The following IFIH1 variants were observed in gnomAD, a reference collection of about 807,000 sequenced individuals.
IFIH1 encodes interferon induced with helicase C domain 1.
Under a neutral mutation model 107.4 loss-of-function variants are expected in IFIH1, and 125 were observed. The ratio of observed to expected loss-of-function variants is 1.16; its 90% CI spans 1.01 to 1.35. The LOEUF is 1.35. Ranked by LOEUF, IFIH1 falls within the 40% of genes most tolerant of loss-of-function variation. The pLI, the probability that IFIH1 is intolerant of heterozygous loss-of-function variation, is 0.00. For synonymous variants in IFIH1, 458 were observed against 413.2 expected, an observed-to-expected ratio of 1.11 and a Z score of -1.31; for missense variants, 1,333 against 1,213.7, an observed-to-expected ratio of 1.10 and a Z score of -1.46.
chr2:162,273,266 CAG>C (rs1384850080), intron 12 of IFIH1, among the ~76,000 whole-genome samples: 1 of 152,132 alleles, frequency 6.6e-6, no homozygotes, highest in African/African-American at 2.4e-5. Context: ...TGAATGAAAA[CAG>C]AACATTTCAC....
intron 5 of IFIH1, among the ~76,000 whole-genome samples, chr2:162,283,877 C>A (rs935140981): frequency 1.3e-5 from 2 of 151,684 alleles, no homozygotes; most frequent in African/African-American, 4.8e-5. Context: ...TCTAAGGAAG[C>A]AAAGTGGACT....
Position 162,306,764 on chromosome 2 carries a change from C to A in IFIH1, c.714G>T (p.Trp238Cys), listed in dbSNP as rs1683288104. 6.2e-7 allele frequency: 1 copy of A among 1,613,874 alleles called. No individual in the cohort carries two copies. Among genetic ancestry groups the A allele is most frequent in the African/African-American group, 1.3e-5 (1 of 75,016 alleles). Residue 238 changes from tryptophan to cysteine, a missense_variant, in exon 3 of 16, where the codon TGG (tryptophan) becomes TGT (cysteine). Transcript: ENST00000649979. ...ATTCTGATGAGTTATTCTCCATGCCCCAGACCTCCTTCTCCAGATTTGGCT... is the reference window on the plus strand; with the variant it reads ...ATTCTGATGAGTTATTCTCCATGCCACAGACCTCCTTCTCCAGATTTGGCT... ...TVQPNLEKEV[W>C]GMENNSSESS... is the part of the protein sequence containing the mutation.
intron 4 of IFIH1, among the ~76,000 whole-genome samples, chr2:162,291,686 A>G (rs898778644): frequency 2.0e-5 from 3 of 151,844 alleles, no homozygotes; most frequent in South Asian, 2.1e-4. Context: ...TTTGATGTCA[A>G]CTTCAAAGAT....
chr2:162,277,758 G>C, intron 9 of IFIH1, 65 bp from the exon 10 acceptor site: 1 of 1,515,578 alleles, frequency 6.6e-7, no homozygotes, highest in Non-Finnish European at 8.8e-7. Flanking sequence ...TTGTGCCATG[G>C]ACTTGAATAT....
Position 162,281,528 on chromosome 2 carries a change from T to C in IFIH1, c.1324A>G (p.Ile442Val), listed in dbSNP as rs35329951. ...TTGTTGGTGTGATGACATTCATCAA[T>C]GATAATGAGGGAAAAGTCTTAAAAG... Reference protein sequence around the residue: ...VQLSDFSLIIIDECHHTNKEA... With the variant: ...VQLSDFSLIIVDECHHTNKEA... Residue 442 changes from isoleucine to valine, a missense_variant, in exon 7 of 16, where the codon ATT becomes GTT. Ile to Val is a conservative substitution (Grantham distance 29, BLOSUM62 3). Transcript: ENST00000649979. 1.2e-6 allele frequency: 2 copies of C among 1,609,330 alleles called. No homozygotes were observed. The highest frequency in any genetic ancestry group is 1.7e-6 in the Non-Finnish European group (2 of 1,176,660).
chr2:162,278,177 CTAAG>C, intron 9 of IFIH1, 24 bp downstream of exon 9: 1 of 1,583,102 alleles, frequency 6.3e-7, no homozygotes. Context: ...ATGGGATAAA[CTAAG>C]TGTTAGGTCC....
At position 162,281,366 on chromosome 2, in the gene IFIH1, C is replaced by T. The variant is rs763096939; in HGVS notation, c.1486G>A (p.Ala496Thr). The T allele has an allele frequency of 5.0e-6, 8 of 1,612,582 alleles. No homozygotes were observed. The highest frequency in any genetic ancestry group is 6.8e-6 in the Non-Finnish European group (8 of 1,179,056). Residue 496 changes from alanine to threonine, a missense_variant, in exon 7 of 16, where the codon GCC (alanine) becomes ACC (threonine). Transcript: ENST00000649979. Reference protein sequence around the residue: ...GLTASPGVGGATKQAKAEEHI... With the variant: ...GLTASPGVGGTTKQAKAEEHI... ...TCTTCAGCTTTGGCTTGCTTCGTGG[C>T]CCCTCCAACACCAGGTGAAGCTGTT...
intron 5 of IFIH1, among the ~76,000 whole-genome samples, chr2:162,283,687 G>T (rs1404161244): frequency 1.3e-5 from 2 of 151,976 alleles, no homozygotes; most frequent in Non-Finnish European, 2.9e-5. Context: ...TTTACTTGAG[G>T]TAAGTCCCAC....
At position 162,318,371 on chromosome 2, in the gene IFIH1, G is replaced by T. The variant is rs1683557787; in HGVS notation, c.-64C>A. On this transcript the variant is annotated 5_prime_UTR_variant, in exon 1 of 16. Coordinates refer to ENST00000649979, the MANE Select transcript of IFIH1 (RefSeq NM_022168.4). ...GATGGTGCTGTTGTCTGCGGGACAG[G>T]TGAAATGTGCGTGCCGCTGTCCGCT... 2 of 1,353,058 alleles carry T rather than the reference G, an allele frequency of 1.5e-6. No individual in the cohort carries two copies. Among genetic ancestry groups the T allele is most frequent in the South Asian group, 1.3e-5 (1 of 78,762 alleles). 83.8% of individuals were successfully genotyped at this position (1,353,058 alleles called of 1,614,324 possible).
chr2:162,291,836 T>G (rs1473277134), intron 4 of IFIH1, among the ~76,000 whole-genome samples: 1 of 151,896 alleles, frequency 6.6e-6, no homozygotes, highest in Admixed American at 6.6e-5. Flanking sequence ...AATTTCATAA[T>G]TTTACCATTT....
intron 3 of IFIH1, among the ~76,000 whole-genome samples, chr2:162,301,481 T>G (rs1315651566): frequency 1.3e-5 from 2 of 152,198 alleles, no homozygotes; most frequent in Non-Finnish European, 2.9e-5. Flanking sequence ...CCATTCTGCA[T>G]AAAAGTTTAT....
At chr2:162,293,389 T>C (rs544440818) in intron 4 of IFIH1, among the ~76,000 whole-genome samples, 175 bp downstream of exon 4, 35 of 151,968 alleles carry the variant, frequency 2.3e-4, no homozygotes, top group Admixed American at 1.3e-3. Flanking sequence ...TCTAAGAGTT[T>C]GTAAGTTACA....
rs180843163 is a variant in IFIH1 at position 162,310,831 on chromosome 2, G to A, written c.556C>T (p.Arg186Cys). Reference sequence around the variant, plus strand: ...ACAAGTTCATTGTTTCCTGTTTGACGAAGAACATTCAGAAATGCAGAGAAC... The same window carrying A: ...ACAAGTTCATTGTTTCCTGTTTGACAAAGAACATTCAGAAATGCAGAGAAC... The part of the protein sequence containing the change: ...NWFSAFLNVL[R>C]QTGNNELVQE... Residue 186 changes from arginine (R) to cysteine (C), a missense_variant, in exon 2 of 16, where the codon CGT (arginine) becomes TGT (cysteine). By Grantham distance (180) the Arg-to-Cys change is radical (BLOSUM62 -3). Coordinates refer to ENST00000649979, the MANE Select transcript of IFIH1 (RefSeq NM_022168.4). 3.9e-5 allele frequency: 63 copies of A among 1,613,604 alleles called. No individual in the cohort carries two copies. The highest frequency in any genetic ancestry group is 2.7e-4 in the Admixed American group (16 of 60,014).
At chr2:162,314,392 C>CTT (rs1683435122) in intron 1 of IFIH1, among the ~76,000 whole-genome samples, 1 of 53,774 alleles carries the variant, frequency 1.9e-5, no homozygotes, top group African/African-American at 1.2e-4. Context: ...CCCTCCCTCC[C>CTT]TCCCTCCTTT....
chr2:162,297,370 T>C (rs16846591), intron 3 of IFIH1, among the ~76,000 whole-genome samples: 19,228 of 152,116 alleles, frequency 0.13, 2,831 homozygotes, highest in African/African-American at 0.33. Flanking sequence ...CGCATGGAGT[T>C]AATTGGAGGC....
In IFIH1 at chr2:162,281,539, GAA is replaced by G. The variant is rs1558867540; in HGVS notation, c.1311_1312del (p.Ser438ProfsTer5). 1 of 1,606,144 alleles carries G rather than the reference GAA, an allele frequency of 6.2e-7. No individual in the cohort carries two copies. Among genetic ancestry groups the G allele is most frequent in the Admixed American group, 1.7e-5 (1 of 59,424 alleles). On this transcript the variant is annotated frameshift_variant, in exon 7 of 16. Coordinates refer to ENST00000649979, the MANE Select transcript of IFIH1 (RefSeq NM_022168.4). LOFTEE classifies it high-confidence loss of function. Reference sequence around the variant, plus strand: ...ATGACATTCATCAATGATAATGAGGGAAAAGTCTTAAAAGAAAATTCAAAGAG... The same window carrying G: ...ATGACATTCATCAATGATAATGAGGGAAGTCTTAAAAGAAAATTCAAAGAG...
Position 162,268,092 on chromosome 2 carries a change from T to A in IFIH1, c.2802A>T (p.Glu934Asp). The change falls in exon 14 of 16, where the codon GAA becomes GAT. Residue 934 changes from glutamate to aspartate, a missense_variant. Glu to Asp is a conservative substitution (Grantham distance 45). Transcript: ENST00000649979. Reference sequence around the variant, plus strand: ...ATGGGTCTTTCTGGACTCACTTGAATTCTGGGGTCATATTGACGTGATGCA... The same window carrying A: ...ATGGGTCTTTCTGGACTCACTTGAAATCTGGGGTCATATTGACGTGATGCA... ...EKMHHVNMTPEFKELYIVREN... is the reference protein window; with the variant it reads ...EKMHHVNMTPDFKELYIVREN... The A allele has an allele frequency of 1.3e-6, 2 of 1,597,860 alleles. No individual in the cohort carries two copies. The highest frequency in any genetic ancestry group is 1.7e-6 in the Non-Finnish European group (2 of 1,172,938).
intron 11 of IFIH1, 82 bp from the exon 12 acceptor site, chr2:162,274,026 G>A: frequency 1.1e-6 from 1 of 932,528 alleles, no homozygotes; most frequent in South Asian, 1.7e-5. Context: ...ATAATAAATT[G>A]CAACTGGTCA....
intron 12 of IFIH1, among the ~76,000 whole-genome samples, chr2:162,273,344 A>T (rs1691082555): frequency 6.6e-6 from 1 of 152,154 alleles, no homozygotes; most frequent in Admixed American, 6.5e-5. Flanking sequence ...AAACTTCTAA[A>T]CACACAGAAA....
Sources: allele counts gnomAD v4.1 joint callset (sites outside exome capture counted in the v4.1 genomes callset), GRCh38; gene constraint gnomAD v4.1.1; transcripts MANE v1.5; gene names NCBI Gene and HGNC (gene_info 2026-07-23, HGNC 2026-07-21).